Variants in CHN1 observed in about 807,000 individuals in gnomAD.
The protein encoded by CHN1 is N-chimaerin.
Under a neutral mutation model 59.5 loss-of-function variants are expected in CHN1, and 37 were observed. The observed-to-expected ratio is 0.62, with a 90% CI of 0.48 to 0.82. The LOEUF is 0.82. Among genes scored for constraint, CHN1 ranks in the 40% least tolerant of loss-of-function variants. The pLI is 0.00. For missense variants in CHN1, 469 were observed against 571.0 expected, an observed-to-expected ratio of 0.82 and a Z score of 1.82; for synonymous variants, 206 against 200.4, an observed-to-expected ratio of 1.03 and a Z score of -0.24.
intron 1 of CHN1, among the ~76,000 whole-genome samples, chr2:174,976,064 T>C (rs1281217733): frequency 7.4e-6 from 1 of 134,434 alleles, no homozygotes; most frequent in African/African-American, 2.9e-5. Context: ...AGGCGGAGCT[T>C]GCAGTGAGCA....
intron 1 of CHN1, among the ~76,000 whole-genome samples, chr2:174,966,320 C>T (rs776425576): frequency 9.9e-5 from 15 of 151,470 alleles, no homozygotes; most frequent in African/African-American, 1.5e-4. Flanking sequence ...GACCCAGAAC[C>T]GTTAATACTC....
At chr2:174,846,495 T>G in intron 7 of CHN1, 2 of 1,429,336 alleles carry the variant, frequency 1.4e-6, no homozygotes, top group Non-Finnish European at 9.2e-7. Context: ...GCCTCTTATA[T>G]CCAAAGCTTT....
intron 6 of CHN1, among the ~76,000 whole-genome samples, chr2:174,849,768 A>AATT (rs1416836940): frequency 2.0e-5 from 3 of 152,170 alleles, no homozygotes; most frequent in Non-Finnish European, 4.4e-5. Flanking sequence ...ATGAGGCATA[A>AATT]ATTATCTTAA....
chr2:174,847,446 A>AT, intron 6 of CHN1: 1 of 1,193,096 alleles, frequency 8.4e-7, no homozygotes, highest in Non-Finnish European at 1.0e-6. Context: ...TCTCTTTATC[A>AT]TTTTTTAAAA....
At chr2:174,816,032 C>T (rs1685244356) in intron 8 of CHN1, among the ~76,000 whole-genome samples, 1 of 152,076 alleles carries the variant, frequency 6.6e-6, no homozygotes, top group South Asian at 2.1e-4. Context: ...AGAGGTATTG[C>T]AGGTAGGGTG....
intron 2 of CHN1, among the ~76,000 whole-genome samples, chr2:174,951,187 G>T (rs1433554971): frequency 6.6e-6 from 1 of 152,012 alleles, no homozygotes; most frequent in African/African-American, 2.4e-5. Context: ...TACTCCCAAG[G>T]GAAAAAGAAA....
rs558727713 is a variant in CHN1, at chr2:174,852,936, C to A, written c.550-5979G>T. On this transcript the variant is annotated intron_variant, in intron 6 of 12. Transcript: ENST00000409900. ...ATGAAAATTGGATCCTTACCTTTCACCATATACAAAACTTAACATGGATTA... is the reference window on the plus strand; with the variant it reads ...ATGAAAATTGGATCCTTACCTTTCAACATATACAAAACTTAACATGGATTA... Among the ~76,000 whole-genome samples the A allele has an allele frequency of 2.6e-5, 4 of 152,180 alleles. No individual in the cohort carries two copies. The South Asian group carries it at 8.3e-4, about 32-fold the overall frequency.
At chr2:174,988,963 T>G (rs1691447815) in intron 1 of CHN1, among the ~76,000 whole-genome samples, 1 of 152,222 alleles carries the variant, frequency 6.6e-6, no homozygotes, top group Non-Finnish European at 1.5e-5. Context: ...AGCTGCTGCA[T>G]TTTTTCAAAA....
chr2:174,820,370 A>G (rs528503574), intron 8 of CHN1, among the ~76,000 whole-genome samples: 2 of 152,274 alleles, frequency 1.3e-5, no homozygotes, highest in African/African-American at 4.8e-5. Context: ...TCTAACTGGT[A>G]TGAGATGGTA....
intron 3 of CHN1, among the ~76,000 whole-genome samples, chr2:174,927,786 C>CT (rs1689220298): frequency 6.6e-6 from 1 of 152,158 alleles, no homozygotes; most frequent in South Asian, 2.1e-4. Context: ...TTTGTTCACC[C>CT]TGTGAAAAAT....
At chr2:174,922,629 T>C (rs911473843) in intron 3 of CHN1, among the ~76,000 whole-genome samples, 1 of 152,186 alleles carries the variant, frequency 6.6e-6, no homozygotes, top group African/African-American at 2.4e-5. Context: ...AGGTTGAGGC[T>C]GCAGTGAGCC....
chr2:174,875,592 A>G lies in CHN1; in HGVS notation c.549+2248T>C, dbSNP rs139608257. On this transcript the variant is annotated intron_variant, in intron 6 of 12. Transcript: ENST00000409900. ...AAATTCATTCTTGTAGAACTAGAAC[A>G]TAGCTCTTAATTCCAACACTAGTAT... 3.3e-5 allele frequency among the ~76,000 whole-genome samples: 5 copies of G among 152,344 alleles called. No homozygotes were observed. In the East Asian group the frequency reaches 9.6e-4, roughly 29 times the overall value.
chr2:174,886,535 A>C (rs902432023), intron 5 of CHN1, among the ~76,000 whole-genome samples: 8 of 152,144 alleles, frequency 5.3e-5, no homozygotes, highest in Admixed American at 3.9e-4. Context: ...AAAAGGATTT[A>C]TTAAGTTTTA....
intron 5 of CHN1, among the ~76,000 whole-genome samples, chr2:174,907,033 G>C (rs1688564213): frequency 6.6e-6 from 1 of 152,138 alleles, no homozygotes; most frequent in Non-Finnish European, 1.5e-5. Context: ...AATTGAAAAT[G>C]AGAAATAATA....
At chr2:174,859,502 C>T (rs1687007104) in intron 6 of CHN1, among the ~76,000 whole-genome samples, 1 of 152,178 alleles carries the variant, frequency 6.6e-6, no homozygotes, top group Admixed American at 6.5e-5. Flanking sequence ...ATTTTAATTA[C>T]TGTAGTCTTC....
chr2:174,809,435 A>G (rs1222244980), intron 10 of CHN1, among the ~76,000 whole-genome samples: 1 of 152,206 alleles, frequency 6.6e-6, no homozygotes, highest in Admixed American at 6.5e-5. Context: ...TATGCTCTAT[A>G]AATGTTCTAA....
rs150395257 is a variant in CHN1, at chr2:174,856,013, G to A, written c.550-9056C>T. Among the ~76,000 whole-genome samples the A allele has an allele frequency of 4.5e-3, 679 of 152,012 alleles. 6 individuals carry two copies. Among genetic ancestry groups the A allele is most frequent in the African/African-American group, 0.015 (639 of 41,478 alleles). On this transcript the variant is annotated intron_variant, in intron 6 of 12. Coordinates refer to ENST00000409900, the MANE Select transcript of CHN1 (RefSeq NM_001822.7). ...AAGGTTGCCATTTGAATAAATTTCT[G>A]GAGCATTTATATTCCAGTGCCGCTC...
At chr2:174,860,319 A>G (rs1270097365) in intron 6 of CHN1, among the ~76,000 whole-genome samples, 1 of 152,176 alleles carries the variant, frequency 6.6e-6, no homozygotes, top group Non-Finnish European at 1.5e-5. Context: ...ACAAGTCTTA[A>G]ATTTATAACA....
intron 11 of CHN1, among the ~76,000 whole-genome samples, chr2:174,802,620 C>T (rs1451975115): frequency 6.6e-6 from 1 of 152,198 alleles, no homozygotes; most frequent in Non-Finnish European, 1.5e-5. Flanking sequence ...GATCAGACTG[C>T]ATTCAATTCA....
Sources: allele counts gnomAD v4.1 joint callset (sites outside exome capture counted in the v4.1 genomes callset), GRCh38; gene constraint gnomAD v4.1.1; transcripts MANE v1.5; gene names NCBI Gene and HGNC (gene_info 2026-07-23, HGNC 2026-07-21).